The following PRKCE variants were observed in gnomAD, a reference collection of about 807,000 sequenced individuals.
The protein encoded by PRKCE is protein kinase C epsilon.
Under a neutral mutation model 85.4 loss-of-function variants are expected in PRKCE, and 16 were observed. The observed-to-expected ratio is 0.19, with a 90% CI of 0.13 to 0.28. The LOEUF is 0.28. Ranked by LOEUF, PRKCE falls within the 10% of genes least tolerant of loss-of-function variation. The pLI is 1.00. For synonymous variants in PRKCE, 388 were observed against 371.5 expected (o/e 1.04, Z -0.51); for missense variants, 573 against 975.2 (o/e 0.59, Z 5.49).
chr2:46,133,076 G>A (rs932642516), intron 11 of PRKCE, among the ~76,000 whole-genome samples: 2 of 152,154 alleles, frequency 1.3e-5, no homozygotes, highest in African/African-American at 4.8e-5. Flanking sequence ...GAAGACATAC[G>A]CCTACTAGTT....
intron 1 of PRKCE, among the ~76,000 whole-genome samples, chr2:45,840,872 T>G (rs978736839): frequency 1.3e-5 from 2 of 152,308 alleles, no homozygotes; most frequent in Middle Eastern, 6.8e-3. Flanking sequence ...GCTCATGGTA[T>G]AGCTGCCTCA....
At chr2:45,675,985 T>C (rs1676427487) in intron 1 of PRKCE, 1 of 152,232 alleles carries the variant, frequency 6.6e-6, no homozygotes, top group South Asian at 2.1e-4. Flanking sequence ...CACCGGTACC[T>C]GGCAGTAGCT....
intron 10 of PRKCE, among the ~76,000 whole-genome samples, chr2:46,030,505 G>A (rs1369106745): frequency 6.6e-6 from 1 of 152,166 alleles, no homozygotes; most frequent in Non-Finnish European, 1.5e-5. Context: ...TGAAAATCAT[G>A]TGGCTGTTCC....
intron 1 of PRKCE, among the ~76,000 whole-genome samples, chr2:45,745,119 T>C (rs1683033227): frequency 6.6e-6 from 1 of 152,144 alleles, no homozygotes. Context: ...CAGGGAAGGC[T>C]GTTTTCTGGG....
intron 3 of PRKCE, 112 bp from the exon 4 acceptor site, chr2:45,978,864 T>G (rs887406584): frequency 6.9e-5 from 58 of 841,154 alleles, no homozygotes; most frequent in Non-Finnish European, 1.2e-5. Flanking sequence ...TTCTGCATAC[T>G]TCATGTACTT....
At chr2:45,908,799 C>G (rs759525170) in intron 2 of PRKCE, among the ~76,000 whole-genome samples, 10 of 152,310 alleles carry the variant, frequency 6.6e-5, no homozygotes, top group Non-Finnish European at 1.0e-4. Flanking sequence ...CTCAGTTTCC[C>G]TGTGTGAGAA....
At chr2:45,738,325 C>T (rs186221564) in intron 1 of PRKCE, among the ~76,000 whole-genome samples, 3 of 152,330 alleles carry the variant, frequency 2.0e-5, no homozygotes, top group African/African-American at 7.2e-5. Flanking sequence ...AATTTCTTTA[C>T]ACCTGTAGAT....
At chr2:45,919,168 G>C (rs931777690) in intron 2 of PRKCE, among the ~76,000 whole-genome samples, 1 of 152,206 alleles carries the variant, frequency 6.6e-6, no homozygotes, top group Non-Finnish European at 1.5e-5. Flanking sequence ...TAGGGGTTGT[G>C]GGGTAGACAG....
At chr2:45,964,458 C>T (rs1701601126) in intron 2 of PRKCE, among the ~76,000 whole-genome samples, 1 of 152,192 alleles carries the variant, frequency 6.6e-6, no homozygotes. Context: ...TGGCAGATTT[C>T]CCAGGCTGGG....
At chr2:46,103,834 C>G (rs958255458) in intron 11 of PRKCE, among the ~76,000 whole-genome samples, 52 of 152,126 alleles carry the variant, frequency 3.4e-4, no homozygotes, top group Non-Finnish European at 3.4e-4. Flanking sequence ...ATTCTTATCT[C>G]CACATTTGAG....
intron 2 of PRKCE, among the ~76,000 whole-genome samples, chr2:45,938,933 C>T (rs1195209674): frequency 6.6e-6 from 1 of 152,124 alleles, no homozygotes; most frequent in Non-Finnish European, 1.5e-5. Flanking sequence ...GCACATTCAG[C>T]GCTCTGCCCT....
chr2:46,092,160 G>C (rs1455790442), intron 11 of PRKCE, among the ~76,000 whole-genome samples: 3 of 152,228 alleles, frequency 2.0e-5, no homozygotes, highest in African/African-American at 7.2e-5. Context: ...AGGTAGCTGA[G>C]AGTGATTGCT....
chr2:45,720,540 C>G lies in PRKCE; in HGVS notation c.348+68092C>G, dbSNP rs140854406. ...TTAGATATGTCGCTGCCCACCAATG[C>G]CAGTAATTCATGGTCACTAAAAGCC... On this transcript the variant is annotated intron_variant, in intron 1 of 14. Transcript: ENST00000306156. 1.8e-3 allele frequency among the ~76,000 whole-genome samples: 271 copies of G among 152,234 alleles called. 2 individuals carry two copies. Among genetic ancestry groups the G allele is most frequent in the African/African-American group, 6.4e-3 (266 of 41,538 alleles).
chr2:46,149,539 CATTT>C (rs1676399291), intron 12 of PRKCE, among the ~76,000 whole-genome samples: 1 of 152,062 alleles, frequency 6.6e-6, no homozygotes, highest in Non-Finnish European at 1.5e-5. Flanking sequence ...GACAGCTCAG[CATTT>C]ATTTTTCCTC....
intron 1 of PRKCE, among the ~76,000 whole-genome samples, chr2:45,763,099 C>T (rs532688198): frequency 2.0e-5 from 3 of 152,202 alleles, no homozygotes; most frequent in East Asian, 1.9e-4. Context: ...GGACTACAGG[C>T]GCCTGCCACC....
chr2:45,896,124 C>A (rs573508245), intron 2 of PRKCE, among the ~76,000 whole-genome samples: 1 of 152,106 alleles, frequency 6.6e-6, no homozygotes, highest in African/African-American at 2.4e-5. Context: ...TTGCCTTGTC[C>A]GAGTCAGTTA....
At chr2:45,839,999 A>G (rs778725203) in intron 1 of PRKCE, among the ~76,000 whole-genome samples, 18 of 152,242 alleles carry the variant, frequency 1.2e-4, no homozygotes, top group Non-Finnish European at 2.2e-4. Context: ...ACATTTTATC[A>G]TAAATGACCT....
At chr2:46,015,713 A>G (rs1426395617) in intron 10 of PRKCE, among the ~76,000 whole-genome samples, 2 of 131,508 alleles carry the variant, frequency 1.5e-5, no homozygotes, top group African/African-American at 2.9e-5. Context: ...AAAAAAAAAA[A>G]CGAAGTAAAA....
intron 11 of PRKCE, among the ~76,000 whole-genome samples, chr2:46,118,625 G>A (rs575923362): frequency 1.8e-4 from 27 of 152,134 alleles, no homozygotes; most frequent in Non-Finnish European, 3.1e-4. Context: ...CAATAAGGAG[G>A]CTCCCCATGC....
Sources: gnomAD v4.1 joint callset for allele counts (sites outside exome capture counted in the v4.1 genomes callset) on GRCh38, gnomAD v4.1.1 for gene constraint, MANE v1.5 for transcripts, NCBI Gene and HGNC (gene_info 2026-07-23, HGNC 2026-07-21) for gene names.